Variants in PALM2AKAP2 observed in about 807,000 individuals in gnomAD.
PALM2AKAP2 encodes the protein PALM2-AKAP2 fusion protein.
A neutral mutation model predicts 71.5 loss-of-function variants in PALM2AKAP2; 37 were observed. That is an observed-to-expected ratio of 0.52 (90% CI 0.40 to 0.68). The LOEUF is 0.68. Among genes scored for constraint, PALM2AKAP2 ranks in the 30% least tolerant of loss-of-function variants. PALM2AKAP2 has a pLI of 0.00. For missense variants in PALM2AKAP2, 1,224 were observed against 1,191.8 expected (o/e 1.03, Z -0.40); for synonymous variants, 468 against 478.8 (o/e 0.98, Z 0.29).
intron 1 of PALM2AKAP2, among the ~76,000 whole-genome samples, chr9:109,734,998 G>T (rs1431496047): frequency 1.3e-5 from 2 of 151,866 alleles, no homozygotes; most frequent in Non-Finnish European, 2.9e-5. Flanking sequence ...CAAATTTCCA[G>T]TATGAGACTC....
chr9:109,898,016 A>G (rs1461300246), intron 3 of PALM2AKAP2, among the ~76,000 whole-genome samples: 2 of 152,242 alleles, frequency 1.3e-5, no homozygotes, highest in Non-Finnish European at 2.9e-5. Context: ...ACATTAACAA[A>G]CCAAGAAGAC....
chr9:110,089,009 C>T (rs531178885), intron 1 of PALM2AKAP2, among the ~76,000 whole-genome samples: 5 of 152,148 alleles, frequency 3.3e-5, no homozygotes, highest in African/African-American at 9.6e-5. Flanking sequence ...CATGAGCCAC[C>T]GCGCCGGCCT....
intron 1 of PALM2AKAP2, chr9:110,090,398 G>A: frequency 2.2e-6 from 1 of 456,720 alleles, no homozygotes; most frequent in South Asian, 1.5e-5. Context: ...CCACCTGGAT[G>A]CTGTTCTCTC....
At position 110,130,387 on chromosome 9, in the gene PALM2AKAP2, C is replaced by G. The variant is rs544422264; in HGVS notation, c.157-5740C>G. ...TTGGACGCTAAACTCTGAATTACCA[C>G]ATTTCCTGCATTCTTTAGGTGGAGA... is the stretch of plus-strand genomic sequence containing the variant. On this transcript the variant is annotated intron_variant, in intron 1 of 3. Transcript: ENST00000374525. Among the ~76,000 whole-genome samples the G allele has an allele frequency of 2.6e-5, 4 of 152,348 alleles. No homozygotes were observed. In the East Asian group the frequency reaches 7.7e-4, roughly 29 times the overall value.
chr9:109,900,925 A>G (rs1002138426), intron 3 of PALM2AKAP2, among the ~76,000 whole-genome samples: 1 of 152,224 alleles, frequency 6.6e-6, no homozygotes, highest in Admixed American at 6.5e-5. Context: ...CTCTTCTTCT[A>G]AAAAGTAAAA....
chr9:109,708,180 A>G (rs1327765736), intron 1 of PALM2AKAP2, among the ~76,000 whole-genome samples: 1 of 152,186 alleles, frequency 6.6e-6, no homozygotes, highest in Non-Finnish European at 1.5e-5. Context: ...TGTTTAGGTG[A>G]TCAGACCTCA....
intron 3 of PALM2AKAP2, among the ~76,000 whole-genome samples, chr9:109,880,924 G>A (rs1481620604): frequency 1.3e-5 from 2 of 152,000 alleles, no homozygotes; most frequent in African/African-American, 4.8e-5. Flanking sequence ...ACAAATACAG[G>A]TTTGTTACAT....
chr9:109,915,748 A>G (rs1230789943), intron 3 of PALM2AKAP2, among the ~76,000 whole-genome samples: 1 of 152,134 alleles, frequency 6.6e-6, no homozygotes, highest in South Asian at 2.1e-4. Context: ...ATATTACTGT[A>G]TCTAGCAAAA....
rs116285649 is a variant in PALM2AKAP2, at chr9:109,788,395, G to A, written c.45+7862G>A. Among the ~76,000 whole-genome samples the A allele has an allele frequency of 7.9e-4, 120 of 152,298 alleles. 2 individuals are homozygous for A. The highest frequency in any genetic ancestry group is 2.7e-3 in the African/African-American group (113 of 41,560). Reference sequence around the variant, plus strand: ...TAGCAGCAACTGCCATTTGACCGATGTTTTTGTCATATATGGTATAGAACA... The same window carrying A: ...TAGCAGCAACTGCCATTTGACCGATATTTTTGTCATATATGGTATAGAACA... On this transcript the variant is annotated intron_variant, in intron 1 of 9. Coordinates refer to the PALM2AKAP2 transcript ENST00000302798.
intron 1 of PALM2AKAP2, among the ~76,000 whole-genome samples, chr9:110,058,664 T>C (rs551449175): frequency 1.3e-5 from 2 of 152,254 alleles, no homozygotes; most frequent in South Asian, 4.1e-4. Context: ...CTCAACTCCT[T>C]CAATGCCACG....
At chr9:109,788,302 T>A (rs1394948515) in intron 1 of PALM2AKAP2, among the ~76,000 whole-genome samples, 2 of 152,232 alleles carry the variant, frequency 1.3e-5, no homozygotes, top group African/African-American at 4.8e-5. Context: ...TTTGAGTTGA[T>A]CCTGATTTAT....
At chr9:109,795,798 A>C (rs1019761089) in intron 1 of PALM2AKAP2, among the ~76,000 whole-genome samples, 5 of 152,182 alleles carry the variant, frequency 3.3e-5, no homozygotes, top group Non-Finnish European at 1.5e-5. Context: ...GGCACTGTTC[A>C]CACAAGGTCC....
chr9:109,739,532 C>T (rs571861109), intron 1 of PALM2AKAP2, among the ~76,000 whole-genome samples: 1 of 152,250 alleles, frequency 6.6e-6, no homozygotes, highest in East Asian at 1.9e-4. Context: ...CTAGTTGAAC[C>T]TGCTCTTTCC....
chr9:110,019,253 A>AG (rs1466436291), intron 7 of PALM2AKAP2, among the ~76,000 whole-genome samples: 1 of 151,724 alleles, frequency 6.6e-6, no homozygotes, highest in Non-Finnish European at 1.5e-5. Context: ...AAAAAAAAAA[A>AG]AAAAAAAGAG....
chr9:109,833,749 C>T (rs1413229569), intron 1 of PALM2AKAP2, among the ~76,000 whole-genome samples: 1 of 152,178 alleles, frequency 6.6e-6, no homozygotes. Context: ...GTCACTGTGA[C>T]AATCAAGAAA....
chr9:110,031,260 G>T (rs1196941693), intron 7 of PALM2AKAP2, among the ~76,000 whole-genome samples: 1 of 152,100 alleles, frequency 6.6e-6, no homozygotes, highest in Non-Finnish European at 1.5e-5. Context: ...CTCCCTGGTA[G>T]CTGGGATTAC....
intron 6 of PALM2AKAP2, among the ~76,000 whole-genome samples, chr9:109,932,972 A>G (rs1831140969): frequency 6.6e-6 from 1 of 152,256 alleles, no homozygotes; most frequent in Non-Finnish European, 1.5e-5. Context: ...TGAAGCAAAG[A>G]ATCCCTACTT....
At chr9:109,746,676 G>T (rs1587892375) in intron 1 of PALM2AKAP2, among the ~76,000 whole-genome samples, 1 of 150,990 alleles carries the variant, frequency 6.6e-6, no homozygotes, top group South Asian at 2.1e-4. Flanking sequence ...GTGTGGATCT[G>T]GTTCAGGCAC....
chr9:109,942,711 G>A (rs1831403689), intron 6 of PALM2AKAP2: 1 of 1,597,894 alleles, frequency 6.3e-7, no homozygotes. Flanking sequence ...AAATTAATGT[G>A]GAGAAAGACA....
Sources: allele counts gnomAD v4.1 joint callset (sites outside exome capture counted in the v4.1 genomes callset), GRCh38; gene constraint gnomAD v4.1.1; transcripts MANE v1.5; gene names NCBI Gene and HGNC (gene_info 2026-07-23, HGNC 2026-07-21).